Variants in DMD observed in about 807,000 individuals in gnomAD.
The protein encoded by DMD is mutant dystrophin.
In DMD, 63 loss-of-function variants were observed where a neutral mutation model predicts 330.1. The ratio of observed to expected loss-of-function variants is 0.19; its 90% CI spans 0.16 to 0.24. The LOEUF (loss-of-function observed/expected upper bound fraction) is 0.24. DMD is among the 10% of genes least tolerant of loss of function. The pLI is 1.00. For synonymous variants in DMD, 1,223 were observed against 959.8 expected, an observed-to-expected ratio of 1.27 and a Z score of -5.07; for missense variants, 3,344 against 2,684.1, an observed-to-expected ratio of 1.25 and a Z score of -5.43.
chrX:32,672,276 G>A (rs186243676), intron 9 of DMD, among the ~76,000 whole-genome samples: 56 of 110,042 alleles, frequency 5.1e-4, no homozygotes, highest in African/African-American at 1.7e-3. Flanking sequence ...GAAATGTACA[G>A]AACATAAAAA....
intron 15 of DMD, among the ~76,000 whole-genome samples, chrX:32,571,831 T>A (rs745438554): frequency 3.6e-5 from 4 of 111,396 alleles, no homozygotes; most frequent in Admixed American, 9.6e-5. Flanking sequence ...CTGCCTCTTA[T>A]CACAAGTTTC....
intron 50 of DMD, among the ~76,000 whole-genome samples, chrX:31,779,513 G>T (rs1221809848): frequency 8.9e-6 from 1 of 112,000 alleles, no homozygotes; most frequent in African/African-American, 3.3e-5. Context: ...CCTGCCTAGG[G>T]TCCTTACTGA....
At chrX:32,781,100 G>T (rs1034988386) in intron 7 of DMD, among the ~76,000 whole-genome samples, 5 of 101,368 alleles carry the variant, frequency 4.9e-5, no homozygotes, top group Non-Finnish European at 1.0e-4. Flanking sequence ...CCTGGGCGAC[G>T]GAGCGAGCCT....
chrX:31,339,662 G>C (rs1368413193), intron 61 of DMD, among the ~76,000 whole-genome samples: 1 of 111,812 alleles, frequency 8.9e-6, no homozygotes, highest in Non-Finnish European at 1.9e-5. Flanking sequence ...TGCAACCTCT[G>C]CCTCCTGGGT....
intron 50 of DMD, among the ~76,000 whole-genome samples, chrX:31,794,170 T>G (rs2091710489): frequency 8.9e-6 from 1 of 111,799 alleles, no homozygotes; most frequent in Non-Finnish European, 1.9e-5. Context: ...ACGTCTAAAA[T>G]CTTGGGCATC....
At chrX:33,326,330 A>G (rs751315709) in intron 1 of DMD, among the ~76,000 whole-genome samples, 2 of 111,984 alleles carry the variant, frequency 1.8e-5, no homozygotes, top group South Asian at 3.7e-4. Context: ...CCTGAAAAGT[A>G]CATCACAGCA....
At chrX:32,236,612 T>A (rs2097188890) in intron 43 of DMD, among the ~76,000 whole-genome samples, 1 of 111,304 alleles carries the variant, frequency 9.0e-6, no homozygotes, top group Admixed American at 9.6e-5. Context: ...ATCTGATGGT[T>A]TTATAAAGGG....
intron 54 of DMD, among the ~76,000 whole-genome samples, chrX:31,641,501 C>CAAAAA (rs1048854739): frequency 6.0e-5 from 2 of 33,593 alleles, no homozygotes; most frequent in East Asian, 9.7e-4. Flanking sequence ...GACTCCGTCT[C>CAAAAA]AAAAAAAAAA....
Position 32,468,244 on chromosome X carries a change from A to C in DMD, c.3162+254T>G, listed in dbSNP as rs56061889. On this transcript the variant is annotated intron_variant, in intron 23 of 78. Coordinates refer to ENST00000357033, the MANE Select transcript of DMD (RefSeq NM_004006.3). ...TGGTTTTGAAAATTATTAAACTAAA[A>C]ACATGTTTAATTCCTATTGGTAATG... 0.053 allele frequency among the ~76,000 whole-genome samples: 5,918 copies of C among 110,809 alleles called. 167 individuals carry two copies. Among genetic ancestry groups the C allele is most frequent in the East Asian group, 0.14 (471 of 3,473 alleles).
intron 7 of DMD, among the ~76,000 whole-genome samples, chrX:32,766,585 GTTTT>G (rs767724250): frequency 2.7e-5 from 3 of 110,932 alleles, no homozygotes; most frequent in African/African-American, 9.8e-5. Flanking sequence ...GTTCTAGCAG[GTTTT>G]TTGTGTGGAA....
chrX:31,904,375 G>C (rs989905621), intron 47 of DMD, among the ~76,000 whole-genome samples: 12 of 111,375 alleles, frequency 1.1e-4, no homozygotes, highest in African/African-American at 3.9e-4. Context: ...CTGTCTCCTA[G>C]TATTTGAGTC....
At chrX:32,722,771 T>A (rs766109265) in intron 7 of DMD, among the ~76,000 whole-genome samples, 1 of 111,548 alleles carries the variant, frequency 9.0e-6, no homozygotes, top group East Asian at 2.8e-4. Flanking sequence ...ACTAATTTTA[T>A]GTTGATTTTG....
intron 9 of DMD, among the ~76,000 whole-genome samples, chrX:32,680,217 T>G (rs1055740662): frequency 1.4e-4 from 15 of 110,650 alleles, no homozygotes; most frequent in Non-Finnish European, 2.6e-4. Context: ...TGGCCTAAAT[T>G]TTTGTACTCT....
intron 52 of DMD, among the ~76,000 whole-genome samples, chrX:31,719,237 T>A (rs771076243): frequency 9.8e-5 from 11 of 112,220 alleles, no homozygotes; most frequent in Non-Finnish European, 1.9e-5. Flanking sequence ...AGTCTTTTTG[T>A]GTAATCAGGT....
chrX:32,204,536 A>G (rs2097055292), intron 44 of DMD, among the ~76,000 whole-genome samples: 1 of 112,075 alleles, frequency 8.9e-6, no homozygotes, highest in African/African-American at 3.3e-5. Context: ...ATACTTCCTT[A>G]CACTCACCAT....
chrX:32,491,557 C>T lies in DMD; in HGVS notation c.2381-39G>A, dbSNP rs374216536. 3 of 1,168,938 alleles carry T rather than the reference C, an allele frequency of 2.6e-6. No homozygotes were observed. The African/African-American group carries it at 5.4e-5, about 21-fold the overall frequency. ...AATAATTAAATATATCCCCTGAACCCACAGACTGAAAGAAATGATCTGAAA... is the reference window on the plus strand; with the variant it reads ...AATAATTAAATATATCCCCTGAACCTACAGACTGAAAGAAATGATCTGAAA... On this transcript the variant is annotated intron_variant, in intron 19 of 78. Coordinates refer to ENST00000357033, the MANE Select transcript of DMD (RefSeq NM_004006.3).
intron 9 of DMD, among the ~76,000 whole-genome samples, chrX:32,661,424 C>A (rs542139916): frequency 1.4e-4 from 16 of 110,995 alleles, no homozygotes; most frequent in African/African-American, 5.2e-4. Flanking sequence ...TAGAAACTTG[C>A]CCAAGGTCGA....
chrX:33,031,083 CCT>C (rs1438490671), intron 1 of DMD, among the ~76,000 whole-genome samples: 3 of 110,727 alleles, frequency 2.7e-5, no homozygotes, highest in Admixed American at 1.9e-4. Flanking sequence ...CCGAGCCATC[CCT>C]GAGTTCACCT....
chrX:31,905,620 G>A (rs1282672055), intron 47 of DMD, among the ~76,000 whole-genome samples: 1 of 110,258 alleles, frequency 9.1e-6, no homozygotes, highest in Admixed American at 9.8e-5. Context: ...AAAAAAGGAA[G>A]GGGGGAGAAA....
Sources: gnomAD v4.1 joint callset for allele counts (sites outside exome capture counted in the v4.1 genomes callset) on GRCh38, gnomAD v4.1.1 for gene constraint, MANE v1.5 for transcripts, NCBI Gene and HGNC (gene_info 2026-07-23, HGNC 2026-07-21) for gene names.